The following SH3PXD2B variants were observed in gnomAD, a reference collection of about 807,000 sequenced individuals.
The protein encoded by SH3PXD2B is SH3 and PX domains 2B, also known as SH3 and PX domain-containing protein 2B.
Under a neutral mutation model 73.1 loss-of-function variants are expected in SH3PXD2B, and 37 were observed. The ratio of observed to expected loss-of-function variants is 0.51; its 90% CI spans 0.39 to 0.67. The LOEUF (loss-of-function observed/expected upper bound fraction) is 0.67. Among genes scored for constraint, SH3PXD2B ranks in the 30% least tolerant of loss-of-function variants. The probability of loss-of-function intolerance (pLI) is 0.00; values close to 1 mark genes in which losing one functional copy is unlikely to be tolerated. For synonymous variants in SH3PXD2B, 457 were observed against 480.5 expected (o/e 0.95, Z 0.64); for missense variants, 1,053 against 1,197.8 (o/e 0.88, Z 1.78).
At chr5:172,397,813 G>A (rs1467744359) in intron 3 of SH3PXD2B, among the ~76,000 whole-genome samples, 1 of 152,172 alleles carries the variant, frequency 6.6e-6, no homozygotes, top group Non-Finnish European at 1.5e-5. Flanking sequence ...CTCCCAGTCA[G>A]CATATGATGG....
chr5:172,389,350 G>C (rs773146861), intron 4 of SH3PXD2B, among the ~76,000 whole-genome samples: 1 of 151,822 alleles, frequency 6.6e-6, no homozygotes, highest in Non-Finnish European at 1.5e-5. Context: ...CACCATGCCC[G>C]GCCTTGCATT....
chr5:172,444,067 C>T (rs558102687), intron 1 of SH3PXD2B, among the ~76,000 whole-genome samples: 89 of 152,302 alleles, frequency 5.8e-4, no homozygotes, highest in Non-Finnish European at 7.4e-4. Context: ...CCAGCAACAG[C>T]GCCCTGAATC....
At chr5:172,340,378 C>T (rs1756825263) in intron 12 of SH3PXD2B, among the ~76,000 whole-genome samples, 1 of 152,170 alleles carries the variant, frequency 6.6e-6, no homozygotes, top group African/African-American at 2.4e-5. Flanking sequence ...CTCCTCCCTA[C>T]CCAGGGTATT....
At chr5:172,371,065 C>T (rs1757693462) in intron 6 of SH3PXD2B, among the ~76,000 whole-genome samples, 1 of 152,078 alleles carries the variant, frequency 6.6e-6, no homozygotes, top group South Asian at 2.1e-4. Flanking sequence ...TTTTTATTAT[C>T]AAGTGTTATA....
intron 1 of SH3PXD2B, among the ~76,000 whole-genome samples, chr5:172,423,798 G>T (rs551409249): frequency 2.6e-5 from 4 of 152,068 alleles, no homozygotes; most frequent in African/African-American, 9.7e-5. Flanking sequence ...GAGCGCTACC[G>T]TGCCCGGCTA....
chr5:172,352,078 C>T (rs1012971659), intron 9 of SH3PXD2B, among the ~76,000 whole-genome samples: 6 of 152,192 alleles, frequency 3.9e-5, no homozygotes, highest in African/African-American at 1.4e-4. Context: ...CCCTTACTGA[C>T]ATCCTAACTA....
In SH3PXD2B at chr5:172,338,560, C is replaced by T. The variant is rs138100885; in HGVS notation, c.2545G>A (p.Gly849Ser). 6.0e-5 allele frequency: 97 copies of T among 1,614,034 alleles called. No individual in the cohort carries two copies. Among genetic ancestry groups the T allele is most frequent in the East Asian group, 8.9e-5 (4 of 44,896 alleles). The change falls in exon 13 of 13, where the codon GGC becomes AGC. Residue 849 changes from glycine to serine, a missense_variant. Transcript: ENST00000311601. The surrounding 1 kb of genome is among the most constrained non-coding windows in gnomAD (Gnocchi z 5.1). ...GCCACATACAAAGAGTCCTTCAGGC[C>T]GTCGGCATTGGGGACAGAGGCTGCA... is the stretch of plus-strand genomic sequence containing the variant. The part of the protein sequence containing the change: ...AAAASVPNAD[G>S]LKDSLYVAVA...
chr5:172,433,930 T>A (rs1189341876), intron 1 of SH3PXD2B, among the ~76,000 whole-genome samples: 1 of 152,050 alleles, frequency 6.6e-6, no homozygotes, highest in Non-Finnish European at 1.5e-5. Context: ...AACTCCAGTC[T>A]AAGGGGATGG....
intron 3 of SH3PXD2B, among the ~76,000 whole-genome samples, chr5:172,399,566 C>T (rs568691314): frequency 4.6e-5 from 7 of 152,274 alleles, no homozygotes; most frequent in East Asian, 3.9e-4. Flanking sequence ...CCTTAGAAGC[C>T]GGCACACCAA....
chr5:172,406,161 G>C, intron 3 of SH3PXD2B, 116 bp downstream of exon 3: 2 of 1,165,972 alleles, frequency 1.7e-6, no homozygotes, highest in Non-Finnish European at 2.5e-6. Context: ...TGAGATTCTG[G>C]TCAGTGGGAT....
chr5:172,395,881 A>G (rs1172337430), intron 3 of SH3PXD2B, among the ~76,000 whole-genome samples: 1 of 152,182 alleles, frequency 6.6e-6, no homozygotes, highest in Admixed American at 6.5e-5. Flanking sequence ...AGAGCAGAGC[A>G]TGGAGACCTA....
At chr5:172,332,286 C>T (rs558083284), downstream of SH3PXD2B, among the ~76,000 whole-genome samples, 7 of 137,796 alleles carry the variant, frequency 5.1e-5, no homozygotes, top group South Asian at 1.6e-3. Context: ...CACAGTCTTG[C>T]TCTGTCATCC....
At chr5:172,359,147 C>G (rs1757345127) in intron 7 of SH3PXD2B, among the ~76,000 whole-genome samples, 1 of 152,016 alleles carries the variant, frequency 6.6e-6, no homozygotes, top group African/African-American at 2.4e-5. Context: ...TGCCTGTAAT[C>G]CCAGCACTTT....
At chr5:172,380,622 G>A (rs1757922726) in intron 5 of SH3PXD2B, among the ~76,000 whole-genome samples, 1 of 152,172 alleles carries the variant, frequency 6.6e-6, no homozygotes, top group Admixed American at 6.5e-5. Flanking sequence ...GCCAGCACGA[G>A]CGAAACACCC....
chr5:172,341,491 A>G (rs1756848409), intron 12 of SH3PXD2B, among the ~76,000 whole-genome samples: 1 of 152,114 alleles, frequency 6.6e-6, no homozygotes, highest in African/African-American at 2.4e-5. Context: ...TGCTCTTGCT[A>G]TGTGATGTGC....
downstream of SH3PXD2B, among the ~76,000 whole-genome samples, chr5:172,331,036 A>C (rs924210226): frequency 1.3e-5 from 2 of 149,536 alleles, no homozygotes; most frequent in Non-Finnish European, 2.9e-5. Context: ...CTCTACTAAA[A>C]ATACAAAAAT....
At chr5:172,407,094 G>A (rs572862015) in intron 2 of SH3PXD2B, among the ~76,000 whole-genome samples, 7 of 152,184 alleles carry the variant, frequency 4.6e-5, no homozygotes, top group Non-Finnish European at 8.8e-5. Flanking sequence ...TCCCCATGGG[G>A]TCTTAGGAAA....
intron 1 of SH3PXD2B, among the ~76,000 whole-genome samples, chr5:172,424,585 C>T (rs997321209): frequency 8.5e-5 from 13 of 152,178 alleles, no homozygotes; most frequent in African/African-American, 2.6e-4. Context: ...TGAGAAGAGA[C>T]GAAAAATGTT....
chr5:172,386,596 T>C (rs1035950983), intron 4 of SH3PXD2B, among the ~76,000 whole-genome samples: 4 of 152,026 alleles, frequency 2.6e-5, no homozygotes, highest in Non-Finnish European at 4.4e-5. Flanking sequence ...TTTTTATTTT[T>C]ATGGCAGGCA....
Sources: allele counts gnomAD v4.1 joint callset (sites outside exome capture counted in the v4.1 genomes callset), GRCh38; gene constraint gnomAD v4.1.1; non-coding constraint Gnocchi (gnomAD v3.1); transcripts MANE v1.5; gene names NCBI Gene and HGNC (gene_info 2026-07-23, HGNC 2026-07-21).